Variants in SCN11A observed in about 807,000 individuals in gnomAD.
SCN11A encodes sodium voltage-gated channel alpha subunit 11.
In SCN11A, 122 loss-of-function variants were observed where a neutral mutation model predicts 162.2. That is an observed-to-expected ratio of 0.75 (90% CI 0.65 to 0.87). The LOEUF (loss-of-function observed/expected upper bound fraction) is 0.87. Ranked by LOEUF, SCN11A falls within the 40% of genes least tolerant of loss-of-function variation. The pLI is 0.00. For synonymous variants in SCN11A, 758 were observed against 751.5 expected (o/e 1.01, Z -0.14); for missense variants, 2,015 against 2,181.6 (o/e 0.92, Z 1.52).
At chr3:38,923,466 CT>C (rs1333803634) in intron 9 of SCN11A, among the ~76,000 whole-genome samples, 1 of 152,210 alleles carries the variant, frequency 6.6e-6, no homozygotes, top group Non-Finnish European at 1.5e-5. Context: ...TCAAAGCTAG[CT>C]TGTAATCTGA....
intron 16 of SCN11A, among the ~76,000 whole-genome samples, chr3:38,901,267 A>G (rs2065695006): frequency 6.6e-6 from 1 of 152,252 alleles, no homozygotes; most frequent in South Asian, 2.1e-4. Flanking sequence ...TCCAGGGTAG[A>G]AAAATAAAAA....
chr3:38,949,995 A>C, intron 5 of SCN11A, 101 bp downstream of exon 5: 1 of 740,114 alleles, frequency 1.4e-6, no homozygotes. Flanking sequence ...CCTGCCTGCT[A>C]TAAACCCTAA....
intron 2 of SCN11A, among the ~76,000 whole-genome samples, chr3:38,983,187 GT>G (rs2030120955): frequency 6.6e-6 from 1 of 152,114 alleles, no homozygotes; most frequent in South Asian, 2.1e-4. Flanking sequence ...CTGCGTGTGG[GT>G]TTGTGGCCCC....
chr3:38,920,589 G>A (rs2066032643), intron 10 of SCN11A, among the ~76,000 whole-genome samples: 1 of 151,778 alleles, frequency 6.6e-6, no homozygotes, highest in South Asian at 2.1e-4. Flanking sequence ...TACTTGAGAG[G>A]CTGAGGCAGG....
At chr3:38,945,593 A>G in intron 6 of SCN11A, 81 bp from the exon 7 acceptor site, 1 of 872,810 alleles carries the variant, frequency 1.1e-6, no homozygotes, top group Non-Finnish European at 1.7e-6. Flanking sequence ...GGTGCCCCTG[A>G]TGGTCCCCTT....
At chr3:39,001,898 G>C (rs556438983) in intron 2 of SCN11A, among the ~76,000 whole-genome samples, 71 of 152,150 alleles carry the variant, frequency 4.7e-4, no homozygotes, top group African/African-American at 1.7e-3. Flanking sequence ...TTAGCTGGGC[G>C]TGGTGGCGGG....
intron 2 of SCN11A, among the ~76,000 whole-genome samples, chr3:38,965,768 G>A (rs1214040777): frequency 6.6e-6 from 1 of 151,708 alleles, no homozygotes; most frequent in Non-Finnish European, 1.5e-5. Flanking sequence ...ACACAGATTC[G>A]ACTAGAAGTC....
In SCN11A at chr3:38,965,976, T is replaced by C. The variant is rs1161462724; in HGVS notation, c.-279-5553A>G. On this transcript the variant is annotated intron_variant, in intron 2 of 29. Transcript: ENST00000302328. ...CCTTAGGTGACAGAACAAGACCCTG[T>C]CCCTTAAAAAAAATTAAAAAAAAAA... is the stretch of plus-strand genomic sequence containing the variant. Among the ~76,000 whole-genome samples, 5 of 151,670 alleles carry C rather than the reference T, an allele frequency of 3.3e-5. No individual in the cohort carries two copies. In the East Asian group the frequency reaches 7.7e-4, roughly 23 times the overall value.
In SCN11A at chr3:39,037,353, T is replaced by G. The variant is rs74878299; in HGVS notation, c.-403-4850A>C. ...AGGGTAGTGGTGGGGGTCAGGGAAG[T>G]GGGTATCATTAATGGGTACAAAAAT... On this transcript the variant is annotated intron_variant, in intron 1 of 29. Coordinates refer to ENST00000302328, the MANE Select transcript of SCN11A (RefSeq NM_001349253.2). Among the ~76,000 whole-genome samples the G allele has an allele frequency of 3.0e-3, 452 of 152,190 alleles. 16 individuals carry two copies. In the East Asian group the frequency reaches 0.08, roughly 27 times the overall value.
At chr3:39,029,056 G>C (rs1344510566) in intron 2 of SCN11A, among the ~76,000 whole-genome samples, 1 of 152,146 alleles carries the variant, frequency 6.6e-6, no homozygotes, top group East Asian at 1.9e-4. Flanking sequence ...CATTTAATCT[G>C]TCATGGTCAT....
intron 19 of SCN11A, 118 bp downstream of exon 19, chr3:38,894,415 C>A: frequency 1.2e-6 from 1 of 833,104 alleles, no homozygotes; most frequent in Non-Finnish European, 1.9e-6. Flanking sequence ...TATCAAAGGG[C>A]AGCCACGTTT....
intron 1 of SCN11A, among the ~76,000 whole-genome samples, chr3:39,049,556 G>A (rs1039069970): frequency 3.3e-5 from 5 of 152,214 alleles, no homozygotes; most frequent in African/African-American, 1.2e-4. Context: ...GCCTACATGT[G>A]ACTGGCTGAC....
intron 28 of SCN11A, among the ~76,000 whole-genome samples, chr3:38,854,472 G>A (rs1239649176): frequency 6.6e-6 from 1 of 152,206 alleles, no homozygotes; most frequent in African/African-American, 2.4e-5. Context: ...ACAGGAAGAT[G>A]GGAGATAGGA....
At chr3:38,950,466 T>A in intron 4 of SCN11A, 97 bp from the exon 5 acceptor site, 1 of 1,295,308 alleles carries the variant, frequency 7.7e-7, no homozygotes, top group Non-Finnish European at 1.1e-6. Flanking sequence ...GATGGTGTCA[T>A]AAGGATCTAC....
intron 10 of SCN11A, among the ~76,000 whole-genome samples, 167 bp from the exon 11 acceptor site, chr3:38,920,168 T>A (rs6599269): frequency 6.6e-6 from 1 of 152,050 alleles, no homozygotes; most frequent in African/African-American, 2.4e-5. Flanking sequence ...CTGGAAGGAG[T>A]AAGAAGGAAG....
chr3:38,926,576 T>C (rs531923359), intron 8 of SCN11A, among the ~76,000 whole-genome samples: 1 of 152,150 alleles, frequency 6.6e-6, no homozygotes, highest in South Asian at 2.1e-4. Context: ...AGTAAATGGC[T>C]GAAGGAACAC....
At chr3:38,984,832 A>G (rs746872260) in intron 2 of SCN11A, among the ~76,000 whole-genome samples, 1 of 152,092 alleles carries the variant, frequency 6.6e-6, no homozygotes, top group South Asian at 2.1e-4. Context: ...TGAGCTTTCA[A>G]TGAAGGCACG....
Position 38,926,855 on chromosome 3 carries a change from A to G in SCN11A, c.565T>C (p.Ser189Pro). ...LARGFILDEFSFLRDPWNWLD... is the reference protein window; with the variant it reads ...LARGFILDEFPFLRDPWNWLD... ...CAGTTCCATGGATCTCGAAGGAAAG[A>G]AAACTCATCCAGAATGAAACCTCTT... The change falls in exon 8 of 30, where the codon TCT becomes CCT. Residue 189 changes from serine to proline, a missense_variant. Physicochemically the swap from Ser to Pro is moderately conservative, Grantham distance 74. Transcript: ENST00000302328. The G allele has an allele frequency of 6.2e-7, 1 of 1,613,548 alleles. No individual in the cohort carries two copies. The highest frequency in any genetic ancestry group is 1.3e-5 in the African/African-American group (1 of 75,048).
At chr3:38,950,057 A>ACACCCCCTCC in intron 5 of SCN11A, 39 bp downstream of exon 5, 1 of 100,342 alleles carries the variant, frequency 1.0e-5, no homozygotes, top group Non-Finnish European at 1.9e-5. Flanking sequence ...TGGTTAGAAC[A>ACACCCCCTCC]CCCCCACCCC....
Sources: allele counts gnomAD v4.1 joint callset (sites outside exome capture counted in the v4.1 genomes callset), GRCh38; gene constraint gnomAD v4.1.1; transcripts MANE v1.5; gene names NCBI Gene and HGNC (gene_info 2026-07-23, HGNC 2026-07-21).